EHMT1: variants seen among roughly 807,000 people sequenced by gnomAD.
EHMT1 encodes the protein euchromatic histone lysine methyltransferase 1.
Under a neutral mutation model 147.2 loss-of-function variants are expected in EHMT1, and 15 were observed. That is an observed-to-expected ratio of 0.10 (90% confidence interval 0.07 to 0.16). The LOEUF is 0.16. Among genes scored for constraint, EHMT1 ranks in the 10% least tolerant of loss-of-function variants. The pLI, the probability that EHMT1 is intolerant of heterozygous loss-of-function variation, is 1.00. For synonymous variants in EHMT1, 795 were observed against 709.6 expected (o/e 1.12, Z -1.91); for missense variants, 1,587 against 1,772.4 (o/e 0.90, Z 1.88).
intron 10 of EHMT1, among the ~76,000 whole-genome samples, chr9:137,771,348 C>T (rs753629412): frequency 3.2e-4 from 49 of 151,966 alleles, no homozygotes; most frequent in Non-Finnish European, 5.6e-4. Flanking sequence ...TACAGGTGCT[C>T]GCCACCATGC....
intron 16 of EHMT1, among the ~76,000 whole-genome samples, chr9:137,793,496 G>A (rs1588741289): frequency 1.3e-5 from 2 of 152,224 alleles, no homozygotes; most frequent in Admixed American, 6.5e-5. Context: ...TCCTCAGATC[G>A]CTAAGCATAG....
At chr9:137,822,773 A>G (rs535536081) in intron 25 of EHMT1, among the ~76,000 whole-genome samples, 281 of 151,964 alleles carry the variant, frequency 1.8e-3, no homozygotes, top group Middle Eastern at 6.8e-3. Flanking sequence ...CATGCCTGTA[A>G]TCCCAGTTAC....
chr9:137,789,215 G>C (rs551122784), intron 15 of EHMT1: 1 of 152,400 alleles, frequency 6.6e-6, no homozygotes, highest in Non-Finnish European at 1.5e-5. Flanking sequence ...GACACCCATC[G>C]TCCCCTATGC....
At chr9:137,834,249 C>A in intron 25 of EHMT1, 100 bp from the exon 26 acceptor site, 1 of 1,497,228 alleles carries the variant, frequency 6.7e-7, no homozygotes, top group Non-Finnish European at 9.1e-7. Flanking sequence ...GGCCTGCGCC[C>A]AACTGCAGGC....
chr9:137,787,519 G>A lies in EHMT1; in HGVS notation c.2383-3329G>A, dbSNP rs2137012638. 2 of 361,960 alleles carry A rather than the reference G, an allele frequency of 5.5e-6. No individual in the cohort carries two copies. The highest frequency in any genetic ancestry group is 6.2e-5 in the East Asian group (1 of 16,116). 22.4% of individuals were successfully genotyped at this position (361,960 alleles called of 1,614,324 possible). On this transcript the variant is annotated intron_variant, in intron 15 of 26. Transcript: ENST00000460843. This position sits in a 1 kb window ranked among gnomAD's most constrained non-coding sequence, Gnocchi z 4.2. The stretch of plus-strand genomic sequence containing the variant: ...CAGCTCGGCCACGGCCACACGTGGG[G>A]TAGTTAGTAAACACCATGGACTCCC...
At position 137,762,765 on chromosome 9, in the gene EHMT1, A is replaced by G. The variant is rs764478037; in HGVS notation, c.1592A>G (p.Glu531Gly). ...SCRMETPKSR[E>G]ITTLANNQCM... ...CGGATGGAAACACCGAAGAGTCGAG[A>G]GATCACCACACTGGCCAACAACCAG... Residue 531 changes from glutamate (E) to glycine (G), a missense_variant, in exon 10 of 27, where the codon GAG (glutamate) becomes GGG (glycine). By Grantham distance (98) the Glu-to-Gly change is moderately conservative. Transcript: ENST00000460843. 1 of 1,614,246 alleles carries G rather than the reference A, an allele frequency of 6.2e-7. No individual in the cohort carries two copies. The highest frequency in any genetic ancestry group is 1.1e-5 in the South Asian group (1 of 91,088).
At chr9:137,799,099 CCA>C (rs67033110) in intron 17 of EHMT1, among the ~76,000 whole-genome samples, 185 bp downstream of exon 17, 217 of 71,468 alleles carry the variant, frequency 3.0e-3, no homozygotes, top group Middle Eastern at 8.9e-3. Context: ...GCGTCCCATC[CCA>C]CACACAGAGC....
At chr9:137,681,365 G>T (rs1941921869) in intron 1 of EHMT1, among the ~76,000 whole-genome samples, 1 of 152,226 alleles carries the variant, frequency 6.6e-6, no homozygotes, top group African/African-American at 2.4e-5. Context: ...CTATAACTTT[G>T]TAGTAGCTGC....
rs137852713 is a variant in EHMT1 at position 137,776,632 on chromosome 9, G to A, written c.1806G>A (p.Glu602=). Residue 602 remains glutamate (E), a synonymous_variant, in exon 12 of 27, where the codon GAG becomes GAA. Coordinates refer to ENST00000460843, the MANE Select transcript of EHMT1 (RefSeq NM_024757.5). The surrounding 1 kb of genome is among the most constrained non-coding windows in gnomAD (Gnocchi z 4.4). ...CCCATTTTTAGGGTAATTTTATGGA[G>A]TGTCAGCCCGAGAGCAGCATCTCTC... is the stretch of plus-strand genomic sequence containing the variant. ...GYFCTAGNFM[E]CQPESSISHR... is the part of the protein sequence containing the mutation. 19 of 1,613,962 alleles carry A rather than the reference G, an allele frequency of 1.2e-5. No individual in the cohort carries two copies. The highest frequency in any genetic ancestry group is 3.3e-4 in the Middle Eastern group (2 of 6,084).
chr9:137,715,251 T>C (rs944454387), intron 2 of EHMT1, among the ~76,000 whole-genome samples: 2 of 152,246 alleles, frequency 1.3e-5, no homozygotes, highest in African/African-American at 2.4e-5. Context: ...ATAGATCTTA[T>C]ATGCAATTAA....
rs1027390854 is a variant in EHMT1, at chr9:137,782,553, G to A, written c.2382+156G>A. Among the ~76,000 whole-genome samples the A allele has an allele frequency of 6.6e-6, 1 of 152,220 alleles. No individual in the cohort carries two copies. The highest frequency in any genetic ancestry group is 1.5e-5 in the Non-Finnish European group (1 of 68,048). The stretch of plus-strand genomic sequence containing the variant: ...AGCTTTTCTGCCCCCGAGTCCTGCA[G>A]GTGGATCAGTGCTTCCCGCTGTTTC... On this transcript the variant is annotated intron_variant, in intron 15 of 26. Coordinates refer to ENST00000460843, the MANE Select transcript of EHMT1 (RefSeq NM_024757.5). The surrounding 1 kb of genome is among the most constrained non-coding windows in gnomAD (Gnocchi z 5.7).
chr9:137,700,984 A>G (rs1037985788), intron 1 of EHMT1, among the ~76,000 whole-genome samples: 4 of 152,228 alleles, frequency 2.6e-5, no homozygotes, highest in Non-Finnish European at 5.9e-5. Flanking sequence ...ACTTAAAATC[A>G]TGGCGGAAGG....
intron 1 of EHMT1, among the ~76,000 whole-genome samples, chr9:137,668,222 C>T (rs914443789): frequency 1.3e-5 from 2 of 152,124 alleles, no homozygotes; most frequent in Non-Finnish European, 2.9e-5. Flanking sequence ...GTCTAACTGA[C>T]CTGGGACTTG....
chr9:137,775,009 C>A lies in EHMT1; in HGVS notation c.1648-100C>A, dbSNP rs1950857247. On this transcript the variant is annotated intron_variant, in intron 10 of 26. Coordinates refer to ENST00000460843, the MANE Select transcript of EHMT1 (RefSeq NM_024757.5). The surrounding 1 kb of genome is among the most constrained non-coding windows in gnomAD (Gnocchi z 6.1). ...GCTCGGCTCAGTCAGCCCACACCTG[C>A]TGAGCAGCTCTTGTGTGCCTGCACT... is the stretch of plus-strand genomic sequence containing the variant. 6.4e-7 allele frequency: 1 copy of A among 1,567,320 alleles called. No homozygotes were observed. The highest frequency in any genetic ancestry group is 1.4e-5 in the African/African-American group (1 of 73,856).
intron 1 of EHMT1, among the ~76,000 whole-genome samples, chr9:137,639,427 G>A (rs1006012805): frequency 6.6e-6 from 1 of 152,102 alleles, no homozygotes; most frequent in East Asian, 1.9e-4. Flanking sequence ...GAGATCTACA[G>A]TACTGTCGAA....
chr9:137,830,785 TTTG>T (rs898216609), intron 25 of EHMT1, among the ~76,000 whole-genome samples: 8 of 152,242 alleles, frequency 5.3e-5, no homozygotes, highest in Non-Finnish European at 1.0e-4. Context: ...AATTTAATTT[TTTG>T]TTTTTTGATT....
At position 137,677,748 on chromosome 9, in the gene EHMT1, G is replaced by A. The variant is rs1016124204; in HGVS notation, c.22-33219G>A. 2.0e-5 allele frequency among the ~76,000 whole-genome samples: 3 copies of A among 152,038 alleles called. No individual in the cohort carries two copies. In the East Asian group the frequency reaches 5.8e-4, roughly 29 times the overall value. On this transcript the variant is annotated intron_variant, in intron 1 of 26. Coordinates refer to ENST00000460843, the MANE Select transcript of EHMT1 (RefSeq NM_024757.5). ...TGCTGTTACTATATAACACAACACT[G>A]TTGTGTATCTTAAAAAAATAGTATT...
intron 3 of EHMT1, among the ~76,000 whole-genome samples, chr9:137,719,278 G>C (rs190548749): frequency 6.6e-6 from 1 of 152,202 alleles, no homozygotes; most frequent in Admixed American, 6.5e-5. Context: ...GTCTCAGCCT[G>C]ACTATGAGTG....
intron 25 of EHMT1, among the ~76,000 whole-genome samples, chr9:137,826,035 T>G (rs1955789923): frequency 5.9e-5 from 9 of 152,168 alleles, no homozygotes; most frequent in Admixed American, 5.9e-4. Flanking sequence ...TTTCTCCTTG[T>G]TCTGTTAATG....
Sources: gnomAD v4.1 joint callset for allele counts (sites outside exome capture counted in the v4.1 genomes callset) on GRCh38, gnomAD v4.1.1 for gene constraint, Gnocchi (gnomAD v3.1) non-coding constraint, MANE v1.5 for transcripts, NCBI Gene and HGNC (gene_info 2026-07-23, HGNC 2026-07-21) for gene names.